NRG3: variants seen among roughly 807,000 people sequenced by gnomAD.
NRG3 encodes the protein pro-neuregulin-3, membrane-bound isoform.
In NRG3, 31 loss-of-function variants were observed where a neutral mutation model predicts 66.9. The observed-to-expected ratio is 0.46, with a 90% confidence interval of 0.35 to 0.63. NRG3 has a LOEUF of 0.63. NRG3 is among the 20% of genes least tolerant of loss of function. The pLI, the probability that NRG3 is intolerant of heterozygous loss-of-function variation, is 0.00. For missense variants in NRG3, 910 were observed against 878.9 expected, an observed-to-expected ratio of 1.04 and a Z score of -0.45; for synonymous variants, 393 against 359.4, an observed-to-expected ratio of 1.09 and a Z score of -1.06.
At chr10:82,522,037 G>GCCTTTT (rs1846239357) in intron 2 of NRG3, among the ~76,000 whole-genome samples, 1 of 133,702 alleles carries the variant, frequency 7.5e-6, no homozygotes, top group African/African-American at 2.7e-5. Flanking sequence ...TTCCGCTGAA[G>GCCTTTT]TCTTTTTTTT....
intron 1 of NRG3, among the ~76,000 whole-genome samples, chr10:82,121,304 G>C (rs2068073243): frequency 6.6e-6 from 1 of 152,190 alleles, no homozygotes; most frequent in Non-Finnish European, 1.5e-5. Flanking sequence ...TTGTATGAGA[G>C]AGGGATGGGG....
chr10:82,145,030 T>C (rs993205532), intron 1 of NRG3, among the ~76,000 whole-genome samples: 1 of 152,174 alleles, frequency 6.6e-6, no homozygotes, highest in African/African-American at 2.4e-5. Flanking sequence ...AGCCACCCAA[T>C]AGCTCCTGAA....
chr10:82,496,461 A>G (rs1052514719), intron 2 of NRG3, among the ~76,000 whole-genome samples: 1 of 152,198 alleles, frequency 6.6e-6, no homozygotes, highest in African/African-American at 2.4e-5. Flanking sequence ...ATTAAAAAAG[A>G]GATAAAAGAA....
At chr10:82,234,140 AATGCCTTCCTAGC>A (rs1338633423) in intron 1 of NRG3, among the ~76,000 whole-genome samples, 1 of 152,158 alleles carries the variant, frequency 6.6e-6, no homozygotes, top group Non-Finnish European at 1.5e-5. Context: ...CCAGGGTCCA[AATGCCTTCCTAGC>A]ATAACCTGTT....
chr10:82,979,069 A>T lies in NRG3; in HGVS notation c.1532A>T (p.Gln511Leu), dbSNP rs1282440883. ...RLGGIVGPAYQQLEESRIPDQ... is the reference protein window; with the variant it reads ...RLGGIVGPAYLQLEESRIPDQ... ...GGTGGAATTGTGGGACCAGCATATCAGCAACTCGAAGAATCAAGGATCCCA... is the reference window on the plus strand; with the variant it reads ...GGTGGAATTGTGGGACCAGCATATCTGCAACTCGAAGAATCAAGGATCCCA... The change falls in exon 8 of 9, where the codon CAG (glutamine) becomes CTG (leucine). Residue 511 changes from glutamine (Q) to leucine (L), a missense_variant. Physicochemically the swap from Gln to Leu is moderately radical, Grantham distance 113. Transcript: ENST00000372141. 18 of 1,614,010 alleles carry T rather than the reference A, an allele frequency of 1.1e-5. No homozygotes were observed. The highest frequency in any genetic ancestry group is 2.7e-5 in the African/African-American group (2 of 74,930).
rs190188835 is a variant in NRG3 at position 82,257,364 on chromosome 10, G to A, written c.824-101375G>A. 5.3e-5 allele frequency among the ~76,000 whole-genome samples: 8 copies of A among 152,228 alleles called. No homozygotes were observed. The East Asian group carries it at 1.5e-3, about 29-fold the overall frequency. On this transcript the variant is annotated intron_variant, in intron 1 of 8. Transcript: ENST00000372141. ...TGGGTTACAGTGTGTTTCATAAAAG[G>A]CCTTCAATTCATGTTAGTTGAGTGA...
intron 4 of NRG3, among the ~76,000 whole-genome samples, chr10:82,947,488 A>T (rs1445113290): frequency 6.6e-6 from 1 of 152,078 alleles, no homozygotes; most frequent in East Asian, 1.9e-4. Flanking sequence ...TAAAGTAGGT[A>T]TATTTTTAAT....
intron 1 of NRG3, among the ~76,000 whole-genome samples, chr10:82,001,809 T>C (rs2061179591): frequency 6.6e-6 from 1 of 152,204 alleles, no homozygotes; most frequent in Non-Finnish European, 1.5e-5. Flanking sequence ...AATCATTTCA[T>C]ATAGGATCTG....
chr10:82,603,812 A>T (rs2047790056), intron 2 of NRG3, among the ~76,000 whole-genome samples: 2 of 152,174 alleles, frequency 1.3e-5, no homozygotes. Context: ...AAGGCAAAAA[A>T]CTTGTCTTTT....
chr10:82,980,681 G>A (rs1446495714), intron 8 of NRG3, among the ~76,000 whole-genome samples: 2 of 152,192 alleles, frequency 1.3e-5, no homozygotes, highest in African/African-American at 4.8e-5. Flanking sequence ...GGAAATAAAT[G>A]GCCGGTGGCT....
intron 3 of NRG3, among the ~76,000 whole-genome samples, chr10:82,815,121 G>A (rs2061651874): frequency 6.6e-6 from 1 of 152,172 alleles, no homozygotes; most frequent in Non-Finnish European, 1.5e-5. Context: ...GTTAGTAAGA[G>A]GTTGGCTTTG....
chr10:82,349,978 G>C (rs559087928), intron 1 of NRG3, among the ~76,000 whole-genome samples: 5 of 152,262 alleles, frequency 3.3e-5, no homozygotes, highest in South Asian at 4.1e-4. Context: ...ACTCCCTAGT[G>C]AGATGAACCC....
intron 3 of NRG3, among the ~76,000 whole-genome samples, chr10:82,840,576 T>C (rs1270217901): frequency 6.6e-6 from 1 of 152,180 alleles, no homozygotes; most frequent in Non-Finnish European, 1.5e-5. Flanking sequence ...CCAATTAGGA[T>C]GGATAAGTTG....
At chr10:82,149,153 T>A (rs1044662397) in intron 1 of NRG3, among the ~76,000 whole-genome samples, 1 of 152,122 alleles carries the variant, frequency 6.6e-6, no homozygotes, top group African/African-American at 2.4e-5. Flanking sequence ...TTGACCCCAA[T>A]GAATGATAGT....
chr10:82,972,857 G>A (rs543454336), intron 6 of NRG3, among the ~76,000 whole-genome samples: 22 of 151,706 alleles, frequency 1.5e-4, no homozygotes, highest in African/African-American at 5.3e-4. Context: ...TGGCTTCTTT[G>A]CTTTTGAAAT....
chr10:82,671,373 T>C (rs1406539016), intron 2 of NRG3, among the ~76,000 whole-genome samples: 1 of 152,218 alleles, frequency 6.6e-6, no homozygotes, highest in East Asian at 1.9e-4. Context: ...TAGCTAAATA[T>C]GGATTAAGGT....
At chr10:82,028,523 G>A (rs1455719732) in intron 1 of NRG3, among the ~76,000 whole-genome samples, 1 of 152,046 alleles carries the variant, frequency 6.6e-6, no homozygotes, top group African/African-American at 2.4e-5. Flanking sequence ...CTTAGTAGTT[G>A]CTTGTTGAAT....
chr10:82,171,302 T>C (rs994906307), intron 1 of NRG3, among the ~76,000 whole-genome samples: 3 of 152,066 alleles, frequency 2.0e-5, no homozygotes, highest in Admixed American at 1.3e-4. Flanking sequence ...AGCAAGGTTT[T>C]TCCTCTCTTT....
chr10:82,898,715 CTTTTTTTTTTTT>C (rs765058089), intron 4 of NRG3, among the ~76,000 whole-genome samples: 2 of 89,398 alleles, frequency 2.2e-5, no homozygotes, highest in South Asian at 4.1e-4. Flanking sequence ...GGAGTTTTAC[CTTTTTTTTTTTT>C]TTTTTTTTTT....
Sources: gnomAD v4.1 joint callset for allele counts (sites outside exome capture counted in the v4.1 genomes callset) on GRCh38, gnomAD v4.1.1 for gene constraint, MANE v1.5 for transcripts, NCBI Gene and HGNC (gene_info 2026-07-23, HGNC 2026-07-21) for gene names.